Variants in OSBPL6 observed in about 807,000 individuals in gnomAD.
OSBPL6 encodes the protein oxysterol-binding protein-related protein 6.
OSBPL6 carries 49 observed loss-of-function variants against 125.8 expected under a neutral mutation model. That is an observed-to-expected ratio of 0.39 (90% CI 0.31 to 0.49). The LOEUF is 0.49. OSBPL6 is among the 20% of genes least tolerant of loss of function. OSBPL6 has a pLI of 0.88. For synonymous variants in OSBPL6, 394 were observed against 391.8 expected, an observed-to-expected ratio of 1.01 and a Z score of -0.07; for missense variants, 986 against 1,135.4, an observed-to-expected ratio of 0.87 and a Z score of 1.89.
intron 1 of OSBPL6, among the ~76,000 whole-genome samples, chr2:178,253,115 A>G (rs559153165): frequency 5.1e-4 from 77 of 151,598 alleles, no homozygotes; most frequent in African/African-American, 1.7e-3. Context: ...TCCACCTCCC[A>G]GGTTCAAGCG....
At chr2:178,310,178 AT>A (rs371838206) in intron 3 of OSBPL6, among the ~76,000 whole-genome samples, 2 of 152,330 alleles carry the variant, frequency 1.3e-5, no homozygotes, top group African/African-American at 4.8e-5. Context: ...ACTGGGCTCA[AT>A]AATGCCTTCC....
intron 11 of OSBPL6, chr2:178,344,388 G>GT (rs762657174): frequency 8.7e-6 from 14 of 1,607,900 alleles, no homozygotes; most frequent in Non-Finnish European, 1.2e-5. Context: ...TCAAGTGGAA[G>GT]TTTAATAAGA....
chr2:178,218,419 A>AAG (rs796884763), intron 1 of OSBPL6, among the ~76,000 whole-genome samples: 1 of 135,636 alleles, frequency 7.4e-6, no homozygotes, highest in East Asian at 2.0e-4. Context: ...AAAAAAAAAA[A>AAG]AGAGAGAGAG....
rs1365930649 is a variant in OSBPL6 at position 178,383,372 on chromosome 2, A to G, written c.1875+95A>G. 9 of 1,457,124 alleles carry G rather than the reference A, an allele frequency of 6.2e-6. No homozygotes were observed. In the Admixed American group the frequency reaches 2.0e-4, roughly 32 times the overall value. 90.3% of individuals were successfully genotyped at this position (1,457,124 alleles called of 1,614,324 possible). A position where few individuals can be genotyped will look rare whatever the true frequency, so the allele number is the denominator to read the frequency against. On this transcript the variant is annotated intron_variant, in intron 17 of 24. Coordinates refer to ENST00000190611, the MANE Select transcript of OSBPL6 (RefSeq NM_032523.4). ...TCATTATGATATATTTGGCATTTGC[A>G]TAATATTCTTACTGCATAGTAAAAG...
chr2:178,375,801 C>A (rs963363440), intron 15 of OSBPL6, among the ~76,000 whole-genome samples: 2 of 152,184 alleles, frequency 1.3e-5, no homozygotes, highest in Non-Finnish European at 2.9e-5. Context: ...CTGATGACTT[C>A]CTAGCTTACC....
intron 19 of OSBPL6, among the ~76,000 whole-genome samples, chr2:178,386,370 C>T (rs764000241): frequency 5.3e-5 from 8 of 152,132 alleles, no homozygotes; most frequent in Non-Finnish European, 8.8e-5. Context: ...ATAAAGCCAT[C>T]GTGTGAGGTA....
rs989484704 is a variant in OSBPL6, at chr2:178,400,480, T to C, written c.*4921T>C. The stretch of plus-strand genomic sequence containing the variant: ...TTTGTATTTTAGTTAGAGACGGGGG[T>C]TTTGCCATGTTGGCCAGGCTGGTCT... On this transcript the variant is annotated 3_prime_UTR_variant, in exon 25 of 25. Transcript: ENST00000190611. 2 of 151,432 alleles carry C rather than the reference T, an allele frequency of 1.3e-5. No homozygotes were observed. Among genetic ancestry groups the C allele is most frequent in the Non-Finnish European group, 2.9e-5 (2 of 67,934 alleles). 9.4% of individuals were successfully genotyped at this position (151,432 alleles called of 1,614,324 possible).
At chr2:178,255,322 A>G (rs1368058861) in intron 1 of OSBPL6, among the ~76,000 whole-genome samples, 1 of 152,206 alleles carries the variant, frequency 6.6e-6, no homozygotes, top group Non-Finnish European at 1.5e-5. Flanking sequence ...ACAAAAAACA[A>G]AAAACAAACA....
At chr2:178,220,025 T>G (rs981680470) in intron 1 of OSBPL6, among the ~76,000 whole-genome samples, 4 of 152,168 alleles carry the variant, frequency 2.6e-5, no homozygotes, top group African/African-American at 9.7e-5. Flanking sequence ...AGGCTGGAGA[T>G]ATCGACAGAG....
chr2:178,358,297 C>G (rs1468421084), intron 12 of OSBPL6, among the ~76,000 whole-genome samples: 1 of 151,886 alleles, frequency 6.6e-6, no homozygotes, highest in Non-Finnish European at 1.5e-5. Flanking sequence ...CCAGAGCAAC[C>G]TGGGGGGAAA....
chr2:178,255,836 G>C (rs769637208), intron 1 of OSBPL6, among the ~76,000 whole-genome samples: 1 of 152,206 alleles, frequency 6.6e-6, no homozygotes, highest in African/African-American at 2.4e-5. Flanking sequence ...TGCTTTCCCA[G>C]CTTTTGCTGT....
chr2:178,399,920 A>T lies in OSBPL6; in HGVS notation c.*4361A>T, dbSNP rs1696055965. The T allele has an allele frequency of 6.6e-6, 1 of 152,220 alleles. No individual in the cohort carries two copies. Among genetic ancestry groups the T allele is most frequent in the Admixed American group, 6.5e-5 (1 of 15,282 alleles). 9.4% of individuals were successfully genotyped at this position (152,220 alleles called of 1,614,324 possible). A position where few individuals can be genotyped will look rare whatever the true frequency, so the allele number is the denominator to read the frequency against. On this transcript the variant is annotated 3_prime_UTR_variant, in exon 25 of 25. Coordinates refer to ENST00000190611, the MANE Select transcript of OSBPL6 (RefSeq NM_032523.4). ...AATACATTTTATTAGTTACTTTGGT[A>T]TCTTCAAATTGGTAAGAAAAAAACA... is the stretch of plus-strand genomic sequence containing the variant.
chr2:178,356,986 A>G (rs1262168458), intron 12 of OSBPL6, among the ~76,000 whole-genome samples: 1 of 152,062 alleles, frequency 6.6e-6, no homozygotes, highest in Non-Finnish European at 1.5e-5. Context: ...CAAGCAATGG[A>G]GAAAGGATTC....
intron 1 of OSBPL6, among the ~76,000 whole-genome samples, chr2:178,228,311 A>G (rs540537267): frequency 0.02 from 2,972 of 152,272 alleles, 64 homozygotes; most frequent in Non-Finnish European, 0.027. Context: ...CAAGGTGGGC[A>G]TATCATGAGG....
chr2:178,282,954 G>A (rs1229206639), intron 1 of OSBPL6, among the ~76,000 whole-genome samples: 1 of 152,050 alleles, frequency 6.6e-6, no homozygotes, highest in African/African-American at 2.4e-5. Flanking sequence ...CGCCTGGCCT[G>A]CTAGGGGAGT....
intron 3 of OSBPL6, among the ~76,000 whole-genome samples, chr2:178,316,640 CT>C (rs1446805143): frequency 6.6e-6 from 1 of 152,132 alleles, no homozygotes; most frequent in East Asian, 1.9e-4. Context: ...AATATCCCCC[CT>C]GCTACAACAC....
rs201005445 is a variant in OSBPL6 at position 178,291,710 on chromosome 2, C to T, written c.-156+6589C>T. 2.5e-3 allele frequency among the ~76,000 whole-genome samples: 322 copies of T among 126,930 alleles called. 5 individuals are homozygous for T. In the East Asian group the frequency reaches 0.032, roughly 13 times the overall value. 83.3% of individuals were successfully genotyped at this position (126,930 alleles called of 152,430 possible). A position where few individuals can be genotyped will look rare whatever the true frequency, so the allele number is the denominator to read the frequency against. ...CCTTCCTTCCTTCCTTCCTTCTTTC[C>T]TCCCTCCCTCCCTCCCTCCTTCCTT... On this transcript the variant is annotated intron_variant, in intron 2 of 24. Coordinates refer to ENST00000190611, the MANE Select transcript of OSBPL6 (RefSeq NM_032523.4).
intron 23 of OSBPL6, among the ~76,000 whole-genome samples, chr2:178,394,062 C>A (rs1559333731): frequency 6.6e-6 from 1 of 152,180 alleles, no homozygotes. Context: ...AACCACCCAC[C>A]TTTCACTGAT....
At chr2:178,249,575 G>A (rs1329119895) in intron 1 of OSBPL6, among the ~76,000 whole-genome samples, 1 of 152,092 alleles carries the variant, frequency 6.6e-6, no homozygotes, top group East Asian at 1.9e-4. Context: ...AGAATAAAAT[G>A]TACAGAAACC....
Sources: allele counts gnomAD v4.1 joint callset (sites outside exome capture counted in the v4.1 genomes callset), GRCh38; gene constraint gnomAD v4.1.1; transcripts MANE v1.5; gene names NCBI Gene and HGNC (gene_info 2026-07-23, HGNC 2026-07-21).